The following ACTN4 variants were observed in gnomAD, a reference collection of about 807,000 sequenced individuals.
ACTN4 encodes actinin alpha 4.
A neutral mutation model predicts 114.2 loss-of-function variants in ACTN4; 18 were observed. The observed-to-expected ratio is 0.16, with a 90% confidence interval of 0.11 to 0.23. The LOEUF is 0.23. ACTN4 is among the 10% of genes least tolerant of loss of function. The probability of loss-of-function intolerance (pLI) is 1.00; values close to 1 mark genes in which losing one functional copy is unlikely to be tolerated. For synonymous variants in ACTN4, 515 were observed against 506.3 expected, an observed-to-expected ratio of 1.02 and a Z score of -0.23; for missense variants, 722 against 1,262.9, an observed-to-expected ratio of 0.57 and a Z score of 6.49.
At chr19:38,694,360 A>G (rs1246619085) in intron 1 of ACTN4, among the ~76,000 whole-genome samples, 3 of 151,758 alleles carry the variant, frequency 2.0e-5, no homozygotes, top group Non-Finnish European at 4.4e-5. Context: ...CCCAGGTTCA[A>G]GCGATTCTCC....
chr19:38,652,277 C>T (rs986456957), intron 1 of ACTN4, among the ~76,000 whole-genome samples: 1 of 152,144 alleles, frequency 6.6e-6, no homozygotes, highest in Non-Finnish European at 1.5e-5. Flanking sequence ...TCTGTTTGCC[C>T]TCTTGTAAGA....
intron 12 of ACTN4, 76 bp downstream of exon 12, chr19:38,721,764 G>A (rs949666452): frequency 8.8e-6 from 14 of 1,588,700 alleles, no homozygotes; most frequent in Middle Eastern, 1.7e-4. Flanking sequence ...GCAGCACGCC[G>A]AGGCCCAGCC....
At position 38,676,335 on chromosome 19, in the gene ACTN4, C is replaced by G. The variant is rs375782521; in HGVS notation, c.163-24265C>G. Among the ~76,000 whole-genome samples the G allele has an allele frequency of 3.3e-5, 5 of 152,220 alleles. No homozygotes were observed. The South Asian group carries it at 6.2e-4, about 19-fold the overall frequency. Reference sequence around the variant, plus strand: ...AAGTAAGATTCCTGGAAAGAAGCAGCAATCTCTTACTCATCCCCGATTATC... The same window carrying G: ...AAGTAAGATTCCTGGAAAGAAGCAGGAATCTCTTACTCATCCCCGATTATC... On this transcript the variant is annotated intron_variant, in intron 1 of 20. Coordinates refer to ENST00000252699, the MANE Select transcript of ACTN4 (RefSeq NM_004924.6).
intron 1 of ACTN4, among the ~76,000 whole-genome samples, chr19:38,675,979 A>T (rs969807240): frequency 6.6e-6 from 1 of 152,174 alleles, no homozygotes; most frequent in South Asian, 2.1e-4. Flanking sequence ...CCTGCTACTT[A>T]CTGTGGGACC....
chr19:38,723,352 T>A (rs1599855700), intron 12 of ACTN4, among the ~76,000 whole-genome samples: 1 of 151,972 alleles, frequency 6.6e-6, no homozygotes, highest in Non-Finnish European at 1.5e-5. Context: ...CAGGGATGGG[T>A]GAGCAGGAGG....
chr19:38,696,397 C>T (rs1568714170), intron 1 of ACTN4, among the ~76,000 whole-genome samples: 1 of 152,030 alleles, frequency 6.6e-6, no homozygotes, highest in African/African-American at 2.4e-5. Context: ...TGGAGGGCGG[C>T]GTGGTGGGCG....
intron 3 of ACTN4, among the ~76,000 whole-genome samples, chr19:38,701,608 C>T (rs370276753): frequency 2.0e-5 from 3 of 152,222 alleles, no homozygotes; most frequent in East Asian, 3.8e-4. Context: ...AGACTTTGCC[C>T]TGTGTGCATG....
chr19:38,673,511 A>ATT (rs1568689568), intron 1 of ACTN4, among the ~76,000 whole-genome samples: 1 of 94,036 alleles, frequency 1.1e-5, no homozygotes, highest in African/African-American at 3.8e-5. Flanking sequence ...ATATATGAAT[A>ATT]TATATTTATA....
chr19:38,673,531 A>T (rs1967222683), intron 1 of ACTN4, among the ~76,000 whole-genome samples: 2 of 71,262 alleles, frequency 2.8e-5, no homozygotes, highest in South Asian at 3.8e-4. Flanking sequence ...ATATATTCAT[A>T]TATACTTATA....
At chr19:38,651,350 G>A (rs1469720275) in intron 1 of ACTN4, among the ~76,000 whole-genome samples, 1 of 152,116 alleles carries the variant, frequency 6.6e-6, no homozygotes, top group East Asian at 1.9e-4. Context: ...TTACATGAGA[G>A]GGCCATGAGT....
At position 38,710,203 on chromosome 19, in the gene ACTN4, C is replaced by T. The variant is rs12984794; in HGVS notation, c.734-54C>T. 0.064 allele frequency: 102,505 copies of T among 1,591,014 alleles called. 3,656 individuals are homozygous for T. The highest frequency in any genetic ancestry group is 0.1 in the South Asian group (9,180 of 90,660). ...GGAGCCCGTGGATCCCAGTGAGTGA[C>T]GCCTCCACCCCCCGCCCTACTCGGG... On this transcript the variant is annotated intron_variant, in intron 7 of 20. Transcript: ENST00000252699.
At chr19:38,662,395 A>T (rs895370650) in intron 1 of ACTN4, among the ~76,000 whole-genome samples, 2 of 152,186 alleles carry the variant, frequency 1.3e-5, no homozygotes, top group Non-Finnish European at 2.9e-5. Context: ...TGACAACAAA[A>T]ATCGCCCCGT....
rs1200948462 is a variant in ACTN4 at position 38,730,716 on chromosome 19, G to C, written c.*1284G>C. On this transcript the variant is annotated 3_prime_UTR_variant, in exon 21 of 21. Coordinates refer to ENST00000252699, the MANE Select transcript of ACTN4 (RefSeq NM_004924.6). ...CGCAGGCCAGAGTGGTCACCCGGCC[G>C]TGAGCAGTGAGGGCCAGAGACTAGC... 1.8e-6 allele frequency: 2 copies of C among 1,105,422 alleles called. No homozygotes were observed. Among genetic ancestry groups the C allele is most frequent in the African/African-American group, 1.6e-5 (1 of 64,476 alleles). The allele number at this position is 1,105,422 out of a possible 1,614,324, so 68.5% of individuals were successfully genotyped here.
At position 38,721,399 on chromosome 19, in the gene ACTN4, G is replaced by C. The variant is rs1018370665; in HGVS notation, c.1292-139G>C. Reference sequence around the variant, plus strand: ...GAGGGTACGGAAGAAGATTCTGGAAGTTTCCATGCCACTGTCATTGGCATG... The same window carrying C: ...GAGGGTACGGAAGAAGATTCTGGAACTTTCCATGCCACTGTCATTGGCATG... On this transcript the variant is annotated intron_variant, in intron 11 of 20. Coordinates refer to ENST00000252699, the MANE Select transcript of ACTN4 (RefSeq NM_004924.6). 8.5e-6 allele frequency: 9 copies of C among 1,055,912 alleles called. No homozygotes were observed. The Admixed American group carries it at 1.2e-4, about 14-fold the overall frequency. The allele number at this position is 1,055,912 out of a possible 1,614,324, so 65.4% of individuals were successfully genotyped here.
At chr19:38,691,424 CAAAAAAAAAA>C (rs72251064) in intron 1 of ACTN4, among the ~76,000 whole-genome samples, 1 of 122,500 alleles carries the variant, frequency 8.2e-6, no homozygotes, top group Non-Finnish European at 1.8e-5. Context: ...ACAAAAAAAA[CAAAAAAAAAA>C]ACCCAACAAC....
At position 38,704,951 on chromosome 19, in the gene ACTN4, G is replaced by T; in HGVS notation, c.415G>T (p.Ala139Ser). The T allele has an allele frequency of 6.2e-7, 1 of 1,614,180 alleles. No homozygotes were observed. Among genetic ancestry groups the T allele is most frequent in the Non-Finnish European group, 8.5e-7 (1 of 1,180,014 alleles). Reference sequence around the variant, plus strand: ...GTGTGCAGAGATTGTGGACGGCAACGCAAAGATGACCCTGGGAATGATCTG... The same window carrying T: ...GTGTGCAGAGATTGTGGACGGCAACTCAAAGATGACCCTGGGAATGATCTG... ...IGAEEIVDGN[A>S]KMTLGMIWTI... The change falls in exon 4 of 21, where the codon GCA (alanine) becomes TCA (serine). Residue 139 changes from alanine to serine, a missense_variant. Ala to Ser is a moderately conservative substitution (Grantham distance 99). Around this residue, in one of 3 missense-constraint regions of ACTN4, gnomAD observed 127 missense variants for 311.3 expected, o/e 0.41. Coordinates refer to ENST00000252699, the MANE Select transcript of ACTN4 (RefSeq NM_004924.6).
At chr19:38,713,179 G>A (rs1255391464) in intron 8 of ACTN4, among the ~76,000 whole-genome samples, 3 of 152,172 alleles carry the variant, frequency 2.0e-5, no homozygotes, top group Non-Finnish European at 4.4e-5. Flanking sequence ...ATTCTGTCCT[G>A]AGATCATTTA....
intron 1 of ACTN4, among the ~76,000 whole-genome samples, chr19:38,673,655 TTATATATATTA>T (rs1568690473): frequency 6.8e-5 from 2 of 29,292 alleles, no homozygotes; most frequent in Non-Finnish European, 1.7e-4. Flanking sequence ...ATTTATATAT[TTATATATATTA>T]TATATATTTA....
rs962884890 is a variant in ACTN4, at chr19:38,729,285, A to C, written c.2589A>C (p.Thr863=). Residue 863 remains threonine, a synonymous_variant, in exon 21 of 21, where the codon ACA becomes ACC. Coordinates refer to ENST00000252699, the MANE Select transcript of ACTN4 (RefSeq NM_004924.6). Reference sequence around the variant, plus strand: ...CCTGCCTGCCCCAGAACTTCATCACAGCTGAGGAGCTGCGGAGAGAGCTGC... The same window carrying C: ...CCTGCCTGCCCCAGAACTTCATCACCGCTGAGGAGCTGCGGAGAGAGCTGC... ...KVLAGDKNFI[T]AEELRRELPP... 6.2e-7 allele frequency: 1 copy of C among 1,612,758 alleles called. No homozygotes were observed. Among genetic ancestry groups the C allele is most frequent in the African/African-American group, 1.3e-5 (1 of 74,912 alleles).
Sources: allele counts gnomAD v4.1 joint callset (sites outside exome capture counted in the v4.1 genomes callset), GRCh38; gene constraint gnomAD v4.1.1; regional missense constraint gnomAD v4.1.1; transcripts MANE v1.5; gene names NCBI Gene and HGNC (gene_info 2026-07-23, HGNC 2026-07-21).